Variants in MAPK10 observed in about 807,000 individuals in gnomAD.
MAPK10 encodes JNK3 alpha protein kinase.
In MAPK10, 25 loss-of-function variants were observed where a neutral mutation model predicts 59.3. The ratio of observed to expected loss-of-function variants is 0.42; its 90% CI spans 0.31 to 0.59. The LOEUF is 0.59. MAPK10 is among the 20% of genes least tolerant of loss of function. The pLI is 0.15. For synonymous variants in MAPK10, 190 were observed against 200.5 expected (o/e 0.95, Z 0.44); for missense variants, 351 against 568.9 (o/e 0.62, Z 3.90).
intron 11 of MAPK10, among the ~76,000 whole-genome samples, chr4:86,037,126 T>C (rs550749720): frequency 1.3e-4 from 20 of 152,264 alleles, no homozygotes; most frequent in Non-Finnish European, 2.8e-4. Flanking sequence ...AAATCTATAG[T>C]TGAAAAATAT....
chr4:86,478,003 T>C (rs1397675684), intron 1 of MAPK10, among the ~76,000 whole-genome samples: 4 of 152,222 alleles, frequency 2.6e-5, no homozygotes, highest in Admixed American at 6.5e-5. Context: ...TTCTTCCTCA[T>C]CTGTTACCTA....
At chr4:86,459,882 C>T (rs1486879940) in intron 1 of MAPK10, among the ~76,000 whole-genome samples, 1 of 151,740 alleles carries the variant, frequency 6.6e-6, no homozygotes, top group Non-Finnish European at 1.5e-5. Context: ...ACTCATGTAA[C>T]CAAACACCAC....
chr4:86,557,756 GTC>G (rs1176795480), intron 1 of MAPK10, among the ~76,000 whole-genome samples: 1 of 151,904 alleles, frequency 6.6e-6, no homozygotes, highest in Non-Finnish European at 1.5e-5. Context: ...TTTCATATTA[GTC>G]AGTTAGCACT....
intron 2 of MAPK10, among the ~76,000 whole-genome samples, chr4:86,244,951 A>G (rs966699378): frequency 1.2e-4 from 18 of 152,176 alleles, no homozygotes; most frequent in Admixed American, 2.6e-4. Context: ...CCTATGTTAC[A>G]CTTTGCAGTA....
chr4:86,250,575 T>C lies in MAPK10; in HGVS notation c.-6-56168A>G, dbSNP rs564277142. On this transcript the variant is annotated intron_variant, in intron 2 of 13. Transcript: ENST00000641462. ...AACTTTGAAGTGAGGAATCAACTTA[T>C]CTCTGAAAATTTAATTAAATTACAT... Among the ~76,000 whole-genome samples, 18 of 152,308 alleles carry C rather than the reference T, an allele frequency of 1.2e-4. No individual in the cohort carries two copies. In the East Asian group the frequency reaches 3.1e-3, roughly 26 times the overall value.
At chr4:86,589,322 G>A (rs1762854471) in intron 1 of MAPK10, among the ~76,000 whole-genome samples, 1 of 152,148 alleles carries the variant, frequency 6.6e-6, no homozygotes, top group South Asian at 2.1e-4. Flanking sequence ...CAAACTTTCC[G>A]TCTTTGTTAG....
At chr4:86,289,098 G>A (rs1296156474) in intron 2 of MAPK10, among the ~76,000 whole-genome samples, 1 of 152,168 alleles carries the variant, frequency 6.6e-6, no homozygotes, top group Non-Finnish European at 1.5e-5. Context: ...AGTCAGATAT[G>A]GCCTCTGCTT....
At chr4:86,562,790 A>G (rs1349528746) in intron 1 of MAPK10, among the ~76,000 whole-genome samples, 1 of 152,214 alleles carries the variant, frequency 6.6e-6, no homozygotes, top group African/African-American at 2.4e-5. Context: ...TCTAATATAC[A>G]CTACACACTT....
chr4:86,141,115 T>C (rs995840413), intron 4 of MAPK10, among the ~76,000 whole-genome samples: 1 of 152,208 alleles, frequency 6.6e-6, no homozygotes, highest in African/African-American at 2.4e-5. Flanking sequence ...TTCAGCTTAT[T>C]TGTGACTTAG....
chr4:86,063,171 A>G (rs1350396677), intron 11 of MAPK10, among the ~76,000 whole-genome samples: 2 of 152,192 alleles, frequency 1.3e-5, no homozygotes, highest in Non-Finnish European at 2.9e-5. Flanking sequence ...GTAAAGTTCA[A>G]TTCTACCTAG....
chr4:86,427,256 C>CA (rs576600795), intron 1 of MAPK10, among the ~76,000 whole-genome samples: 2,110 of 93,438 alleles, frequency 0.023, 33 homozygotes, highest in East Asian at 0.032. Flanking sequence ...GATTCTGTCT[C>CA]AAAAAAAAAA....
At chr4:86,090,883 A>C (rs977910626) in intron 9 of MAPK10, 1 of 152,144 alleles carries the variant, frequency 6.6e-6, no homozygotes, top group Admixed American at 6.6e-5. Flanking sequence ...TCTGGGACTT[A>C]GGAAACATCT....
At chr4:86,451,156 A>G (rs1371359823) in intron 1 of MAPK10, among the ~76,000 whole-genome samples, 3 of 152,200 alleles carry the variant, frequency 2.0e-5, no homozygotes, top group Admixed American at 6.5e-5. Flanking sequence ...AAGCAAGGCC[A>G]GATTCTGTTT....
At chr4:86,131,072 G>T (rs1297319655) in intron 4 of MAPK10, among the ~76,000 whole-genome samples, 1 of 152,180 alleles carries the variant, frequency 6.6e-6, no homozygotes, top group Non-Finnish European at 1.5e-5. Flanking sequence ...GGAGGGAAAT[G>T]AGTACATGAG....
At chr4:86,419,634 C>T (rs1322288948) in intron 1 of MAPK10, among the ~76,000 whole-genome samples, 1 of 151,860 alleles carries the variant, frequency 6.6e-6, no homozygotes, top group African/African-American at 2.4e-5. Context: ...TCACCAATAT[C>T]GATGAATGAT....
At chr4:86,131,090 A>G (rs1358439335) in intron 4 of MAPK10, among the ~76,000 whole-genome samples, 1 of 152,212 alleles carries the variant, frequency 6.6e-6, no homozygotes, top group East Asian at 1.9e-4. Context: ...GAGGGTAGTC[A>G]GGGACAGATA....
intron 2 of MAPK10, among the ~76,000 whole-genome samples, chr4:86,229,486 C>T (rs1016831214): frequency 7.2e-5 from 11 of 152,104 alleles, no homozygotes; most frequent in African/African-American, 2.7e-4. Flanking sequence ...ACAAACCCTA[C>T]AAGTATCCAG....
chr4:86,400,117 A>ACATAT (rs1176780086), intron 1 of MAPK10, among the ~76,000 whole-genome samples: 1 of 152,192 alleles, frequency 6.6e-6, no homozygotes, highest in Non-Finnish European at 1.5e-5. Flanking sequence ...TGGTCATATC[A>ACATAT]CATATAAAGT....
intron 3 of MAPK10, among the ~76,000 whole-genome samples, chr4:86,168,304 T>C (rs1011989377): frequency 2.0e-5 from 3 of 152,162 alleles, no homozygotes; most frequent in African/African-American, 7.2e-5. Context: ...TTCCCTTTCC[T>C]AGTCAAAGAA....
Sources: gnomAD v4.1 joint callset for allele counts (sites outside exome capture counted in the v4.1 genomes callset) on GRCh38, gnomAD v4.1.1 for gene constraint, MANE v1.5 for transcripts, NCBI Gene and HGNC (gene_info 2026-07-23, HGNC 2026-07-21) for gene names.